Variants in ZFAT observed in about 807,000 individuals in gnomAD.
ZFAT encodes the protein zinc finger and AT-hook domain containing.
In ZFAT, 64 loss-of-function variants were observed where a neutral mutation model predicts 117.7. The ratio of observed to expected loss-of-function variants is 0.54; its 90% confidence interval spans 0.44 to 0.67. The LOEUF is 0.67. Ranked by LOEUF, ZFAT falls within the 30% of genes least tolerant of loss-of-function variation. The pLI is 0.00. For missense variants in ZFAT, 1,433 were observed against 1,584.5 expected (o/e 0.90, Z 1.62); for synonymous variants, 679 against 615.0 (o/e 1.10, Z -1.54).
At chr8:134,730,571 T>G in the ZFAT span, among the ~76,000 whole-genome samples, 1 of 152,240 alleles carries the variant, frequency 6.6e-6, no homozygotes, top group Non-Finnish European at 1.5e-5. Flanking sequence ...CATTCTCTAC[T>G]GTCAGCAGGT....
At chr8:134,790,474 G>C in the ZFAT span, among the ~76,000 whole-genome samples, 1 of 152,118 alleles carries the variant, frequency 6.6e-6, no homozygotes, top group South Asian at 2.1e-4. Flanking sequence ...CCGTTAGGGG[G>C]TAATTTGGCA....
At chr8:134,600,726 T>C in intron 6 of ZFAT, 58 bp from the exon 7 acceptor site, 1 of 1,329,798 alleles carries the variant, frequency 7.5e-7, no homozygotes. Context: ...ATTTTGAATT[T>C]TTTAAATTAT....
At chr8:134,595,945 C>A (rs930804821) in intron 7 of ZFAT, among the ~76,000 whole-genome samples, 2 of 152,200 alleles carry the variant, frequency 1.3e-5, no homozygotes, top group Non-Finnish European at 2.9e-5. Flanking sequence ...TCCTTTGTTT[C>A]TGCTCTTCAT....
chr8:134,551,840 C>T (rs1275367436), intron 11 of ZFAT, among the ~76,000 whole-genome samples: 1 of 152,152 alleles, frequency 6.6e-6, no homozygotes, highest in Non-Finnish European at 1.5e-5. Flanking sequence ...AACCATTTCC[C>T]TTTCACACCG....
chr8:134,711,707 T>G lies in ZFAT; in HGVS notation c.19+1138A>C, dbSNP rs551613868. Among the ~76,000 whole-genome samples, 6 of 152,316 alleles carry G rather than the reference T, an allele frequency of 3.9e-5. 1 individual carries two copies. The South Asian group carries it at 1.2e-3, about 32-fold the overall frequency. ...CCAATATTCGGCTCTGGGCCCACTC[T>G]GTCACTCCAGGACACATTCTCCCAC... is the stretch of plus-strand genomic sequence containing the variant. On this transcript the variant is annotated intron_variant, in intron 1 of 15. Coordinates refer to ENST00000377838, the MANE Select transcript of ZFAT (RefSeq NM_020863.4).
chr8:134,681,589 ATC>A (rs1481204182), intron 1 of ZFAT, among the ~76,000 whole-genome samples: 1 of 152,226 alleles, frequency 6.6e-6, no homozygotes, highest in Non-Finnish European at 1.5e-5. Flanking sequence ...TAGATTAAAC[ATC>A]TCTTACTTCT....
the ZFAT span, among the ~76,000 whole-genome samples, chr8:134,768,938 T>G: frequency 6.6e-6 from 1 of 152,060 alleles, no homozygotes; most frequent in Non-Finnish European, 1.5e-5. Flanking sequence ...TTTGGGAGGC[T>G]GAGGTGGGCA....
chr8:134,590,486 C>T, intron 7 of ZFAT, 131 bp from the exon 8 acceptor site: 2 of 646,114 alleles, frequency 3.1e-6, no homozygotes. Context: ...CAGTCATCAC[C>T]ACCACCACCA....
chr8:134,544,559 A>G (rs548903843), intron 11 of ZFAT, among the ~76,000 whole-genome samples: 1 of 152,284 alleles, frequency 6.6e-6, no homozygotes, highest in African/African-American at 2.4e-5. Context: ...AATGACCCAC[A>G]CTTAAAAGAG....
the ZFAT span, among the ~76,000 whole-genome samples, chr8:134,808,102 T>C: frequency 6.6e-6 from 1 of 152,206 alleles, no homozygotes; most frequent in Non-Finnish European, 1.5e-5. Context: ...AAGGTACAGA[T>C]TGGAGAAACG....
At chr8:134,706,575 CCAGCTA>C (rs1431173476) in intron 1 of ZFAT, among the ~76,000 whole-genome samples, 1 of 152,084 alleles carries the variant, frequency 6.6e-6, no homozygotes, top group African/African-American at 2.4e-5. Context: ...CCCTGTAATC[CCAGCTA>C]CTCGGGAGGC....
chr8:134,804,999 C>G, the ZFAT span: 29 of 506,254 alleles, frequency 5.7e-5, no homozygotes, highest in Admixed American at 5.8e-4. Context: ...TGTTGCCAGT[C>G]ATCATCTTCA....
chr8:134,545,630 T>A (rs1001797193), intron 11 of ZFAT, among the ~76,000 whole-genome samples: 4 of 152,238 alleles, frequency 2.6e-5, no homozygotes, highest in African/African-American at 9.6e-5. Flanking sequence ...CACCCATGTA[T>A]GCATCTCTAA....
At chr8:134,615,952 C>T (rs1158570328) in intron 3 of ZFAT, among the ~76,000 whole-genome samples, 3 of 152,232 alleles carry the variant, frequency 2.0e-5, no homozygotes, top group Non-Finnish European at 4.4e-5. Context: ...AAAGAACACG[C>T]ATGCTCGCTC....
chr8:134,802,946 A>C, the ZFAT span, among the ~76,000 whole-genome samples: 1 of 152,228 alleles, frequency 6.6e-6, no homozygotes, highest in Non-Finnish European at 1.5e-5. Flanking sequence ...TAAAGAAGCC[A>C]TCTGAAAACT....
chr8:134,685,429 G>A (rs564261017), intron 1 of ZFAT, among the ~76,000 whole-genome samples: 1 of 152,210 alleles, frequency 6.6e-6, no homozygotes, highest in South Asian at 2.1e-4. Flanking sequence ...ATGGTTAGAG[G>A]GACATTTCAA....
the ZFAT span, among the ~76,000 whole-genome samples, chr8:134,730,024 A>T: frequency 6.6e-6 from 1 of 152,212 alleles, no homozygotes; most frequent in Non-Finnish European, 1.5e-5. Context: ...TGTTTGGGTC[A>T]GTTAGATTAG....
chr8:134,641,767 C>T (rs546710645), intron 2 of ZFAT, among the ~76,000 whole-genome samples: 2 of 152,264 alleles, frequency 1.3e-5, no homozygotes, highest in South Asian at 4.1e-4. Flanking sequence ...TCCTGTGTCC[C>T]CAGTTTCCAA....
At chr8:134,678,349 CA>C (rs1832906498) in intron 1 of ZFAT, among the ~76,000 whole-genome samples, 1 of 152,070 alleles carries the variant, frequency 6.6e-6, no homozygotes. Flanking sequence ...ACAATTGCTA[CA>C]AAGAGAATAA....
Sources: allele counts gnomAD v4.1 joint callset (sites outside exome capture counted in the v4.1 genomes callset), GRCh38; gene constraint gnomAD v4.1.1; transcripts MANE v1.5; gene names NCBI Gene and HGNC (gene_info 2026-07-23, HGNC 2026-07-21).